Variants in PHKA2 observed in about 807,000 individuals in gnomAD.
PHKA2 encodes the protein phosphorylase kinase regulatory subunit alpha 2, also known as phosphorylase b kinase regulatory subunit alpha, liver isoform.
In PHKA2, 31 loss-of-function variants were observed where a neutral mutation model predicts 102.0. The ratio of observed to expected loss-of-function variants is 0.30; its 90% CI spans 0.23 to 0.41. PHKA2 has a LOEUF of 0.41. Ranked by LOEUF, PHKA2 falls within the 10% of genes least tolerant of loss-of-function variation. The pLI is 1.00. For synonymous variants in PHKA2, 455 were observed against 416.2 expected (o/e 1.09, Z -1.13); for missense variants, 858 against 1,023.1 (o/e 0.84, Z 2.20).
Position 18,944,622 on chromosome X carries a change from C to T in PHKA2, c.618+456G>A, listed in dbSNP as rs188847833. ...CAGAGTACCTTCAGGGAAAGTTTCC[C>T]AGTGTCCCCAATTCCTCCCCTGACC... On this transcript the variant is annotated intron_variant, in intron 6 of 32. Coordinates refer to ENST00000379942, the MANE Select transcript of PHKA2 (RefSeq NM_000292.3). Among the ~76,000 whole-genome samples the T allele has an allele frequency of 4.7e-4, 52 of 111,675 alleles. 1 individual carries two copies. The highest frequency in any genetic ancestry group is 1.6e-3 in the African/African-American group (50 of 30,786).
At chrX:18,964,709 T>C (rs2048915332) in intron 1 of PHKA2, among the ~76,000 whole-genome samples, 1 of 112,472 alleles carries the variant, frequency 8.9e-6, no homozygotes, top group South Asian at 3.6e-4. Flanking sequence ...GGAATTATAA[T>C]AGCATTTATT....
chrX:18,977,231 A>G (rs1194401666), intron 1 of PHKA2, among the ~76,000 whole-genome samples: 1 of 109,755 alleles, frequency 9.1e-6, no homozygotes, highest in Non-Finnish European at 1.9e-5. Context: ...ATTGCTTTCT[A>G]ATTTTCTTGC....
intron 1 of PHKA2, among the ~76,000 whole-genome samples, chrX:18,957,866 T>G (rs936107081): frequency 1.8e-5 from 2 of 108,597 alleles, no homozygotes; most frequent in Non-Finnish European, 3.8e-5. Flanking sequence ...ACTGTTGTTT[T>G]GTTTTCTTTT....
chrX:18,927,260 G>A (rs1466555053), intron 13 of PHKA2, among the ~76,000 whole-genome samples: 1 of 112,326 alleles, frequency 8.9e-6, no homozygotes, highest in East Asian at 2.8e-4. Context: ...GGAGCTGATT[G>A]TGCCTGGGAC....
chrX:18,941,504 G>A, intron 8 of PHKA2, 25 bp downstream of exon 8: 1 of 1,198,114 alleles, frequency 8.3e-7, no homozygotes, highest in Non-Finnish European at 1.1e-6. Flanking sequence ...CAGGACAGAA[G>A]GGCACCAGCA....
intron 17 of PHKA2, among the ~76,000 whole-genome samples, chrX:18,920,822 C>T (rs967197944): frequency 3.6e-5 from 4 of 112,258 alleles, no homozygotes; most frequent in African/African-American, 1.3e-4. Context: ...GCAGGTCCAA[C>T]CCCACACGCT....
chrX:18,913,951 A>G (rs1466671172), intron 19 of PHKA2, among the ~76,000 whole-genome samples: 1 of 111,986 alleles, frequency 8.9e-6, no homozygotes, highest in Non-Finnish European at 1.9e-5. Flanking sequence ...CTCTTGAAGA[A>G]CTGGTCTGCG....
At position 18,897,211 on chromosome X, in the gene PHKA2, G is replaced by A; in HGVS notation, c.3234C>T (p.Asn1078=). 1 of 1,211,294 alleles carries A rather than the reference G, an allele frequency of 8.3e-7. No individual in the cohort carries two copies. The highest frequency in any genetic ancestry group is 1.1e-6 in the Non-Finnish European group (1 of 895,267). ...LRRRRLDGAI[N]RVPVGFYQRV... is the part of the protein sequence containing the mutation. The stretch of plus-strand genomic sequence containing the variant: ...TCTGGTAGAATCCCACGGGGACCCT[G>A]TTGATGGCCCCATCCAGCCTTCTCC... The change falls in exon 30 of 33, where the codon AAC becomes AAT. Residue 1078 remains asparagine, a synonymous_variant. Transcript: ENST00000379942.
At chrX:18,902,450 A>G (rs181404018) in intron 26 of PHKA2, among the ~76,000 whole-genome samples, 141 of 109,541 alleles carry the variant, frequency 1.3e-3, no homozygotes, top group Non-Finnish European at 2.3e-3. Flanking sequence ...CTTTTGGATA[A>G]GTAAAAAATT....
rs997837454 is a variant in PHKA2, at chrX:18,892,476, C to T, written c.*1009G>A. On this transcript the variant is annotated 3_prime_UTR_variant, in exon 33 of 33. Coordinates refer to ENST00000379942, the MANE Select transcript of PHKA2 (RefSeq NM_000292.3). The stretch of plus-strand genomic sequence containing the variant: ...GCTCTCCTCCAATCGGTGCCTCCAA[C>T]TGCACCCACCCAAGAGAGTGAAGAC... 2 of 112,725 alleles carry T rather than the reference C, an allele frequency of 1.8e-5. No individual in the cohort carries two copies. The highest frequency in any genetic ancestry group is 3.7e-5 in the Non-Finnish European group (2 of 53,384). 9.3% of individuals were successfully genotyped at this position (112,725 alleles called of 1,213,427 possible). A position where few individuals can be genotyped will look rare whatever the true frequency, so the allele number is the denominator to read the frequency against.
At position 18,893,574 on chromosome X, in the gene PHKA2, C is replaced by T; in HGVS notation, c.3619G>A (p.Gly1207Arg). The T allele has an allele frequency of 8.3e-7, 1 of 1,211,196 alleles. No individual in the cohort carries two copies. Among genetic ancestry groups the T allele is most frequent in the Non-Finnish European group, 1.1e-6 (1 of 894,773 alleles). The change falls in exon 33 of 33, where the codon GGG becomes AGG. Residue 1207 changes from glycine (G) to arginine (R), a missense_variant. Coordinates refer to ENST00000379942, the MANE Select transcript of PHKA2 (RefSeq NM_000292.3). ...CHFFYDSAPS[G>R]AYGTMTYLTR... ...AGGTAGGTCATCGTCCCATAAGCCC[C>T]ACTCGGAGCGCTGTCATAAAAGAAG...
rs184531215 is a variant in PHKA2, at chrX:18,923,516, G to A, written c.1793+540C>T. ...GTGCTTAAGCATAATACCTGGGTAC[G>A]TCTTCCCTACTTGGGGCCTGTAAAC... On this transcript the variant is annotated intron_variant, in intron 17 of 32. Coordinates refer to ENST00000379942, the MANE Select transcript of PHKA2 (RefSeq NM_000292.3). Among the ~76,000 whole-genome samples the A allele has an allele frequency of 4.7e-3, 530 of 111,967 alleles. 3 individuals are homozygous for A. The highest frequency in any genetic ancestry group is 0.016 in the African/African-American group (484 of 30,837).
intron 1 of PHKA2, among the ~76,000 whole-genome samples, chrX:18,970,463 C>T (rs185831454): frequency 3.7e-4 from 41 of 112,053 alleles, no homozygotes; most frequent in African/African-American, 1.3e-3. Context: ...TTATCCAGTT[C>T]GATACATGTA....
chrX:18,918,976 A>G, intron 18 of PHKA2, 122 bp from the exon 19 acceptor site: 1 of 586,550 alleles, frequency 1.7e-6, no homozygotes, highest in Non-Finnish European at 3.0e-6. Flanking sequence ...ACACTGAGAT[A>G]TCGATATTTG....
At chrX:18,968,156 G>A (rs2048970138) in intron 1 of PHKA2, among the ~76,000 whole-genome samples, 1 of 111,687 alleles carries the variant, frequency 9.0e-6, no homozygotes, top group Non-Finnish European at 1.9e-5. Flanking sequence ...ACTTTGGAAG[G>A]CTGAGGCAGG....
At chrX:18,929,110 C>A in intron 13 of PHKA2, 118 bp downstream of exon 13, 1 of 531,832 alleles carries the variant, frequency 1.9e-6, no homozygotes, top group Non-Finnish European at 3.3e-6. Context: ...CTGCTACATG[C>A]TAAAGCATAG....
chrX:18,923,934 C>A, intron 17 of PHKA2, 122 bp downstream of exon 17: 1 of 569,033 alleles, frequency 1.8e-6, no homozygotes, highest in Non-Finnish European at 3.1e-6. Flanking sequence ...TACCTTCCTG[C>A]TTACTCTAAA....
At position 18,925,649 on chromosome X, in the gene PHKA2, G is replaced by A. The variant is rs768842336; in HGVS notation, c.1569+19C>T. ...AAGAGAACTTAAAAAAAAGATGCTC[G>A]TTGGCCTGCTCTCCTCACCTGGGGT... On this transcript the variant is annotated intron_variant, in intron 15 of 32. Transcript: ENST00000379942. 3.2e-6 allele frequency: 3 copies of A among 923,926 alleles called. No individual in the cohort carries two copies. Among genetic ancestry groups the A allele is most frequent in the African/African-American group, 1.9e-5 (1 of 51,642 alleles). The allele number at this position is 923,926 out of a possible 1,213,427, so 76.1% of individuals were successfully genotyped here.
chrX:18,924,823 A>G (rs971605466), intron 15 of PHKA2, among the ~76,000 whole-genome samples: 1 of 112,110 alleles, frequency 8.9e-6, no homozygotes, highest in Non-Finnish European at 1.9e-5. Context: ...AAGCAAATCA[A>G]TAACTCCTTA....
Sources: allele counts gnomAD v4.1 joint callset (sites outside exome capture counted in the v4.1 genomes callset), GRCh38; gene constraint gnomAD v4.1.1; transcripts MANE v1.5; gene names NCBI Gene and HGNC (gene_info 2026-07-23, HGNC 2026-07-21).